The following RANBP2 variants were observed in gnomAD, a reference collection of about 807,000 sequenced individuals.
RANBP2 encodes the protein RAN binding protein 2.
Under a neutral mutation model 303.6 loss-of-function variants are expected in RANBP2, and 57 were observed. That is an observed-to-expected ratio of 0.19 (90% CI 0.15 to 0.23). The LOEUF (loss-of-function observed/expected upper bound fraction) is 0.23, where lower values mean the gene tolerates loss of function less well. Ranked by LOEUF, RANBP2 falls within the 10% of genes least tolerant of loss-of-function variation. The pLI is 1.00. For missense variants in RANBP2, 3,138 were observed against 3,780.8 expected, an observed-to-expected ratio of 0.83 and a Z score of 4.46; for synonymous variants, 1,167 against 1,301.5, an observed-to-expected ratio of 0.90 and a Z score of 2.23.
the RANBP2 span, among the ~76,000 whole-genome samples, chr2:109,315,571 T>G: frequency 4.6e-5 from 7 of 152,214 alleles, no homozygotes; most frequent in Non-Finnish European, 1.0e-4. Flanking sequence ...GTGCCTGTTG[T>G]GCACTGTCTG....
chr2:109,732,935 C>A, the RANBP2 span: 2 of 694,942 alleles, frequency 2.9e-6, no homozygotes, highest in African/African-American at 3.5e-5. Context: ...AGGAGAGGAA[C>A]TGTCAAACGG....
At chr2:109,199,971 A>G in the RANBP2 span, among the ~76,000 whole-genome samples, 1 of 151,674 alleles carries the variant, frequency 6.6e-6, no homozygotes, top group Non-Finnish European at 1.5e-5. Context: ...GTGTCTGGGG[A>G]CAGTTTTGGT....
the RANBP2 span, among the ~76,000 whole-genome samples, chr2:109,528,244 G>C: frequency 0.047 from 7,080 of 152,226 alleles, 547 homozygotes; most frequent in African/African-American, 0.16. Flanking sequence ...CCTGTGCCCC[G>C]CTGTGCCCTG....
the RANBP2 span, among the ~76,000 whole-genome samples, chr2:108,795,150 A>AATTTTTTT: frequency 1.2e-5 from 1 of 85,012 alleles, no homozygotes; most frequent in Non-Finnish European, 2.1e-5. Flanking sequence ...TCTAAAGTGT[A>AATTTTTTT]TTTTTTTTTT....
chr2:109,688,082 G>C, the RANBP2 span, among the ~76,000 whole-genome samples: 9 of 152,130 alleles, frequency 5.9e-5, no homozygotes, highest in Non-Finnish European at 1.3e-4. Flanking sequence ...CAGGGTCTTG[G>C]GACCAGCAAT....
chr2:109,487,358 C>T, the RANBP2 span, among the ~76,000 whole-genome samples: 15 of 152,152 alleles, frequency 9.9e-5, no homozygotes, highest in East Asian at 2.9e-3. Context: ...GTGCCTAGAC[C>T]GTCTACCTCC....
the RANBP2 span, among the ~76,000 whole-genome samples, chr2:109,122,984 G>C: frequency 1.3e-5 from 2 of 152,136 alleles, no homozygotes; most frequent in African/African-American, 4.8e-5. Context: ...AGGCAGCCTC[G>C]GTAACTTGCA....
chr2:108,999,626 C>G, the RANBP2 span, among the ~76,000 whole-genome samples: 4 of 152,182 alleles, frequency 2.6e-5, no homozygotes, highest in Non-Finnish European at 4.4e-5. Flanking sequence ...TCCTGGTAGG[C>G]TGAGGGTGAA....
At chr2:109,137,553 A>G in the RANBP2 span, among the ~76,000 whole-genome samples, 1 of 152,230 alleles carries the variant, frequency 6.6e-6, no homozygotes, top group African/African-American at 2.4e-5. Flanking sequence ...TTTGTTGGCC[A>G]TCAAAGCACA....
At chr2:109,400,956 A>G in the RANBP2 span, among the ~76,000 whole-genome samples, 1 of 152,170 alleles carries the variant, frequency 6.6e-6, no homozygotes, top group Non-Finnish European at 1.5e-5. Context: ...GACCTGGGCT[A>G]AATTCTTCTT....
At chr2:109,711,597 GATGCCCACTGGCT>G in the RANBP2 span, among the ~76,000 whole-genome samples, 1 of 152,174 alleles carries the variant, frequency 6.6e-6, no homozygotes, top group Non-Finnish European at 1.5e-5. Context: ...TCTACGCTTT[GATGCCCACTGGCT>G]ATGCAGAAGC....
At chr2:108,938,470 A>C in the RANBP2 span, among the ~76,000 whole-genome samples, 1 of 152,132 alleles carries the variant, frequency 6.6e-6, no homozygotes, top group Non-Finnish European at 1.5e-5. Flanking sequence ...GGTGCTCTGC[A>C]CTCTTGGAGG....
the RANBP2 span, among the ~76,000 whole-genome samples, chr2:109,482,288 A>AT: frequency 6.6e-6 from 1 of 152,168 alleles, no homozygotes; most frequent in African/African-American, 2.4e-5. Context: ...CATAGTAATA[A>AT]TTATCATTAT....
At chr2:108,930,060 G>C in the RANBP2 span, 1 of 1,564,548 alleles carries the variant, frequency 6.4e-7, no homozygotes, top group African/African-American at 1.3e-5. Flanking sequence ...GGGCAACAAT[G>C]CCACAAGCAG....
the RANBP2 span, chr2:108,910,942 G>A: frequency 2.7e-5 from 43 of 1,614,140 alleles, no homozygotes; most frequent in African/African-American, 6.7e-5. Flanking sequence ...CATGGGGGCC[G>A]TCACCTGGGG....
chr2:109,234,099 T>G, the RANBP2 span, among the ~76,000 whole-genome samples: 1 of 152,236 alleles, frequency 6.6e-6, no homozygotes, highest in Non-Finnish European at 1.5e-5. Flanking sequence ...GATCATAAGG[T>G]GAATGTGTGT....
the RANBP2 span, among the ~76,000 whole-genome samples, chr2:108,851,062 AC>A: frequency 2.6e-5 from 4 of 151,848 alleles, no homozygotes; most frequent in Non-Finnish European, 5.9e-5. Flanking sequence ...GGTTCCTACA[AC>A]CCCCTCTTTG....
At chr2:108,925,916 G>A in the RANBP2 span, among the ~76,000 whole-genome samples, 9 of 152,222 alleles carry the variant, frequency 5.9e-5, no homozygotes, top group Non-Finnish European at 1.3e-4. Context: ...GAGCCTGACC[G>A]GTGATAAACT....
chr2:108,903,090 T>A, the RANBP2 span, among the ~76,000 whole-genome samples: 16 of 152,218 alleles, frequency 1.1e-4, no homozygotes, highest in Non-Finnish European at 1.6e-4. Flanking sequence ...CAATTGTATT[T>A]CTATATAACT....
Sources: allele counts gnomAD v4.1 joint callset (sites outside exome capture counted in the v4.1 genomes callset), GRCh38; gene constraint gnomAD v4.1.1; transcripts MANE v1.5; gene names NCBI Gene and HGNC (gene_info 2026-07-23, HGNC 2026-07-21).